RGPD2: variants seen among roughly 807,000 people sequenced by gnomAD.
The protein encoded by RGPD2 is RANBP2-like and GRIP domain-containing protein 2.
A neutral mutation model predicts 36.0 loss-of-function variants in RGPD2; 2 were observed. That is an observed-to-expected ratio of 0.06 (90% CI 0.02 to 0.17). The LOEUF (loss-of-function observed/expected upper bound fraction) is 0.17. Ranked by LOEUF, RGPD2 falls within the 10% of genes least tolerant of loss-of-function variation. The pLI, the probability that RGPD2 is intolerant of heterozygous loss-of-function variation, is 1.00. For missense variants in RGPD2, 40 were observed against 464.3 expected (o/e 0.09, Z 8.40); for synonymous variants, 19 against 163.8 (o/e 0.12, Z 6.75).
At chr2:87,831,162 G>T in the RGPD2 span, among the ~76,000 whole-genome samples, 2 of 152,120 alleles carry the variant, frequency 1.3e-5, no homozygotes, top group African/African-American at 4.8e-5. Flanking sequence ...AAAATGCAGT[G>T]TCTCAAACTT....
the RGPD2 span, among the ~76,000 whole-genome samples, chr2:87,882,269 A>T: frequency 2.0e-5 from 3 of 151,928 alleles, no homozygotes; most frequent in African/African-American, 7.3e-5. Context: ...TTTTTAGTTG[A>T]TTCTTATATA....
At chr2:87,894,258 A>G in the RGPD2 span, among the ~76,000 whole-genome samples, 1 of 152,110 alleles carries the variant, frequency 6.6e-6, no homozygotes, top group Middle Eastern at 3.2e-3. Context: ...GAGATAATTT[A>G]TAATTTCTTA....
the RGPD2 span, among the ~76,000 whole-genome samples, chr2:87,894,331 C>CAGATGAAT: frequency 6.6e-6 from 1 of 151,242 alleles, no homozygotes; most frequent in Admixed American, 6.6e-5. Context: ...CAACATATTC[C>CAGATGAAT]ATATTTGAAT....
chr2:87,974,605 A>G, the RGPD2 span, among the ~76,000 whole-genome samples: 5 of 152,138 alleles, frequency 3.3e-5, no homozygotes, highest in Admixed American at 1.3e-4. Flanking sequence ...AATCAGCTAA[A>G]AATTCCAGAT....
At chr2:87,965,469 C>T in the RGPD2 span, among the ~76,000 whole-genome samples, 2 of 150,572 alleles carry the variant, frequency 1.3e-5, no homozygotes, top group Non-Finnish European at 3.0e-5. Context: ...CCTCCATAGT[C>T]CTATGACAAC....
chr2:87,964,206 T>A, the RGPD2 span, among the ~76,000 whole-genome samples: 10,715 of 151,856 alleles, frequency 0.071, 8 homozygotes, highest in African/African-American at 0.14. Context: ...TATTTCTGCA[T>A]TTATTAGGGA....
chr2:87,834,346 A>T, the RGPD2 span, among the ~76,000 whole-genome samples: 1 of 152,108 alleles, frequency 6.6e-6, no homozygotes, highest in African/African-American at 2.4e-5. Flanking sequence ...AATGAAAGCC[A>T]TAACAAGTAA....
the RGPD2 span, among the ~76,000 whole-genome samples, chr2:87,845,979 C>T: frequency 2.0e-5 from 3 of 150,906 alleles, no homozygotes; most frequent in African/African-American, 4.9e-5. Flanking sequence ...GATTTATGTT[C>T]GAGTTCTCTT....
the RGPD2 span, among the ~76,000 whole-genome samples, chr2:87,844,380 C>A: frequency 2.6e-5 from 4 of 151,086 alleles, no homozygotes; most frequent in African/African-American, 4.9e-5. Context: ...TTTAAAAGTA[C>A]CTTTTCTTAT....
chr2:87,882,173 T>G, the RGPD2 span, among the ~76,000 whole-genome samples: 4 of 152,350 alleles, frequency 2.6e-5, 1 homozygote, highest in South Asian at 8.3e-4. Flanking sequence ...ACATCGAAAC[T>G]ATGTTAAATG....
At chr2:87,894,499 G>A in the RGPD2 span, among the ~76,000 whole-genome samples, 3 of 151,312 alleles carry the variant, frequency 2.0e-5, no homozygotes, top group African/African-American at 4.8e-5. Context: ...TTAAACCTAG[G>A]AAAAGTGGTA....
At chr2:87,965,868 A>T in the RGPD2 span, among the ~76,000 whole-genome samples, 2 of 123,366 alleles carry the variant, frequency 1.6e-5, no homozygotes, top group South Asian at 3.1e-4. Flanking sequence ...GACTGAAAAG[A>T]TAAAGCCATA....
chr2:87,873,895 A>T, the RGPD2 span, among the ~76,000 whole-genome samples: 3 of 151,124 alleles, frequency 2.0e-5, no homozygotes, highest in African/African-American at 7.3e-5. Context: ...TATGGGAGCT[A>T]TAATTCAAGA....
the RGPD2 span, among the ~76,000 whole-genome samples, chr2:87,962,734 C>G: frequency 6.6e-6 from 1 of 152,026 alleles, no homozygotes. Flanking sequence ...GGGAAACATC[C>G]CTTTAGCCCA....
At chr2:87,876,548 T>G in the RGPD2 span, among the ~76,000 whole-genome samples, 1 of 152,298 alleles carries the variant, frequency 6.6e-6, no homozygotes, top group African/African-American at 2.4e-5. Flanking sequence ...TTGAGTTCAT[T>G]TCTTAATTTT....
At chr2:87,966,435 G>A in the RGPD2 span, among the ~76,000 whole-genome samples, 1 of 148,028 alleles carries the variant, frequency 6.8e-6, no homozygotes, top group African/African-American at 2.4e-5. Context: ...GGAGGGGATT[G>A]TTAAAACTCT....
At chr2:87,809,239 A>G (rs1686056786) in intron 6 of RGPD2, among the ~76,000 whole-genome samples, 1 of 151,616 alleles carries the variant, frequency 6.6e-6, no homozygotes, top group Non-Finnish European at 1.5e-5. Context: ...CTGGAGACAG[A>G]GCTTGCAGTG....
At chr2:87,935,552 A>G in the RGPD2 span, among the ~76,000 whole-genome samples, 7 of 149,294 alleles carry the variant, frequency 4.7e-5, no homozygotes, top group South Asian at 6.4e-4. Context: ...ACGGGAAACC[A>G]TTAGATAATT....
chr2:87,893,413 G>A, the RGPD2 span, among the ~76,000 whole-genome samples: 2 of 146,230 alleles, frequency 1.4e-5, no homozygotes, highest in East Asian at 2.0e-4. Flanking sequence ...GATCTCAGCT[G>A]GATCTGGAGC....
Sources: allele counts gnomAD v4.1 joint callset (sites outside exome capture counted in the v4.1 genomes callset), GRCh38; gene constraint gnomAD v4.1.1; transcripts MANE v1.5; gene names NCBI Gene and HGNC (gene_info 2026-07-23, HGNC 2026-07-21).